IL1RAPL1: variants seen among roughly 807,000 people sequenced by gnomAD.
IL1RAPL1 encodes the protein interleukin-1 receptor accessory protein-like 1.
A neutral mutation model predicts 48.4 loss-of-function variants in IL1RAPL1; 3 were observed. That is an observed-to-expected ratio of 0.06 (90% CI 0.03 to 0.16). IL1RAPL1 has a LOEUF of 0.16. Among genes scored for constraint, IL1RAPL1 ranks in the 10% least tolerant of loss-of-function variants. The pLI, the probability that IL1RAPL1 is intolerant of heterozygous loss-of-function variation, is 1.00. For synonymous variants in IL1RAPL1, 185 were observed against 187.7 expected, an observed-to-expected ratio of 0.99 and a Z score of 0.12; for missense variants, 349 against 530.6, an observed-to-expected ratio of 0.66 and a Z score of 3.36.
intron 5 of IL1RAPL1, among the ~76,000 whole-genome samples, chrX:29,615,484 G>A (rs1924259515): frequency 1.8e-5 from 2 of 110,982 alleles, no homozygotes; most frequent in Admixed American, 1.9e-4. Context: ...GTTCAGCTCT[G>A]AGGGTATGCT....
intron 5 of IL1RAPL1, among the ~76,000 whole-genome samples, chrX:29,514,576 G>A (rs917537315): frequency 8.9e-6 from 1 of 111,972 alleles, no homozygotes; most frequent in Non-Finnish European, 1.9e-5. Context: ...AGCATCCCCA[G>A]TAGCTGGGAT....
intron 1 of IL1RAPL1, among the ~76,000 whole-genome samples, chrX:28,742,333 A>G (rs963393433): frequency 3.6e-5 from 4 of 111,732 alleles, no homozygotes; most frequent in African/African-American, 1.3e-4. Context: ...CTCTTGGCAA[A>G]TAAGGAGACA....
chrX:29,190,625 G>A (rs1189596730), intron 2 of IL1RAPL1, among the ~76,000 whole-genome samples: 1 of 112,462 alleles, frequency 8.9e-6, no homozygotes, highest in African/African-American at 3.2e-5. Flanking sequence ...GTTCCTTGCT[G>A]AGAAGGCTGA....
intron 5 of IL1RAPL1, among the ~76,000 whole-genome samples, chrX:29,515,120 T>C (rs1014396437): frequency 1.8e-5 from 2 of 112,556 alleles, no homozygotes; most frequent in South Asian, 7.2e-4. Flanking sequence ...GATGAAACAG[T>C]AGCAGCAGAA....
intron 5 of IL1RAPL1, among the ~76,000 whole-genome samples, chrX:29,495,943 A>G (rs1233759516): frequency 1.8e-5 from 2 of 110,082 alleles, no homozygotes; most frequent in East Asian, 5.7e-4. Flanking sequence ...TTCCAGGCCT[A>G]TTCTCTACAA....
chrX:29,533,093 T>A (rs1288687798), intron 5 of IL1RAPL1, among the ~76,000 whole-genome samples: 9 of 112,522 alleles, frequency 8.0e-5, no homozygotes, highest in African/African-American at 2.9e-4. Flanking sequence ...GCATTGTTTT[T>A]AAAGTGCTTC....
intron 1 of IL1RAPL1, among the ~76,000 whole-genome samples, chrX:28,749,957 A>AT (rs770803950): frequency 0.069 from 7,010 of 101,378 alleles, 538 homozygotes; most frequent in East Asian, 0.32. Context: ...CACTTTCTAC[A>AT]TTTTTTTTTT....
rs186162222 is a variant in IL1RAPL1 at position 29,550,302 on chromosome X, C to G, written c.704-118128C>G. Among the ~76,000 whole-genome samples the G allele has an allele frequency of 1.2e-3, 130 of 111,001 alleles. 1 individual carries two copies. In the East Asian group the frequency reaches 0.035, roughly 30 times the overall value. On this transcript the variant is annotated intron_variant, in intron 5 of 10. Transcript: ENST00000378993. The stretch of plus-strand genomic sequence containing the variant: ...CGCCTCCCGGGTTCACGCCATTCTC[C>G]TGCCTCAGCCTCCCGAGTAGCTGGG...
intron 9 of IL1RAPL1, among the ~76,000 whole-genome samples, chrX:29,951,937 A>G (rs1459050343): frequency 8.9e-6 from 1 of 111,816 alleles, no homozygotes; most frequent in Non-Finnish European, 1.9e-5. Flanking sequence ...AGGAAAGGAT[A>G]TTTTTAAGGG....
At chrX:29,930,326 C>T (rs1932932242) in intron 8 of IL1RAPL1, among the ~76,000 whole-genome samples, 1 of 111,917 alleles carries the variant, frequency 8.9e-6, no homozygotes, top group African/African-American at 3.2e-5. Flanking sequence ...AATAATTAGG[C>T]TAAAGTGGTT....
chrX:29,422,788 A>G (rs761250479), intron 5 of IL1RAPL1, among the ~76,000 whole-genome samples: 1 of 111,613 alleles, frequency 9.0e-6, no homozygotes, highest in Non-Finnish European at 1.9e-5. Flanking sequence ...CTGTTGCATT[A>G]AAACAACTAC....
At chrX:29,094,318 G>A (rs1928154723) in intron 2 of IL1RAPL1, among the ~76,000 whole-genome samples, 1 of 111,588 alleles carries the variant, frequency 9.0e-6, no homozygotes, top group Admixed American at 9.5e-5. Flanking sequence ...CTCTAAAAAT[G>A]TTAAAATATG....
intron 6 of IL1RAPL1, among the ~76,000 whole-genome samples, chrX:29,873,067 A>G (rs189506797): frequency 4.6e-4 from 51 of 111,756 alleles, no homozygotes; most frequent in African/African-American, 1.6e-3. Context: ...AGGGGAAATG[A>G]GCAGTTGACA....
intron 1 of IL1RAPL1, among the ~76,000 whole-genome samples, chrX:28,717,724 G>T (rs1238991240): frequency 9.0e-6 from 1 of 111,230 alleles, no homozygotes; most frequent in Non-Finnish European, 1.9e-5. Flanking sequence ...GATTCGAAGT[G>T]GGGAGGGGGA....
intron 5 of IL1RAPL1, among the ~76,000 whole-genome samples, chrX:29,528,198 A>G (rs1315144927): frequency 8.9e-6 from 1 of 112,658 alleles, no homozygotes; most frequent in African/African-American, 3.2e-5. Context: ...ATATGTACAT[A>G]TAAAGTTATT....
chrX:29,767,471 T>TGAAAG (rs1928943187), intron 6 of IL1RAPL1, among the ~76,000 whole-genome samples: 1 of 111,425 alleles, frequency 9.0e-6, no homozygotes, highest in Non-Finnish European at 1.9e-5. Flanking sequence ...ATCTAAATGG[T>TGAAAG]GAAAGGAAAT....
intron 5 of IL1RAPL1, among the ~76,000 whole-genome samples, chrX:29,430,761 A>G (rs962877186): frequency 9.1e-6 from 1 of 110,482 alleles, no homozygotes; most frequent in Admixed American, 9.8e-5. Context: ...GTGTATATGT[A>G]TATATAAACC....
At chrX:28,824,925 T>C (rs1936976362) in intron 2 of IL1RAPL1, among the ~76,000 whole-genome samples, 1 of 111,790 alleles carries the variant, frequency 8.9e-6, no homozygotes, top group Non-Finnish European at 1.9e-5. Flanking sequence ...CTTTCTGTAT[T>C]TGTGTATTCA....
chrX:29,513,309 T>C (rs1187493689), intron 5 of IL1RAPL1, among the ~76,000 whole-genome samples: 1 of 111,516 alleles, frequency 9.0e-6, no homozygotes. Flanking sequence ...ATCACCTACA[T>C]AATGCTTGGT....
Sources: allele counts gnomAD v4.1 joint callset (sites outside exome capture counted in the v4.1 genomes callset), GRCh38; gene constraint gnomAD v4.1.1; transcripts MANE v1.5; gene names NCBI Gene and HGNC (gene_info 2026-07-23, HGNC 2026-07-21).